The following TLCD4 variants were observed in gnomAD, a reference collection of about 807,000 sequenced individuals.
TLCD4 encodes TLC domain-containing protein 4.
Under a neutral mutation model 24.2 loss-of-function variants are expected in TLCD4, and 7 were observed. The observed-to-expected ratio is 0.29, with a 90% CI of 0.16 to 0.54. The LOEUF (loss-of-function observed/expected upper bound fraction) is 0.54, where lower values mean the gene tolerates loss of function less well. TLCD4 is among the 20% of genes least tolerant of loss of function. The pLI, the probability that TLCD4 is intolerant of heterozygous loss-of-function variation, is 0.95. For missense variants in TLCD4, 259 were observed against 313.9 expected (o/e 0.82, Z 1.32); for synonymous variants, 103 against 106.4 (o/e 0.97, Z 0.20).
chr1:95,178,563 CTTTTTTTTTT>C (rs57190787), intron 6 of TLCD4, among the ~76,000 whole-genome samples: 3 of 82,360 alleles, frequency 3.6e-5, no homozygotes, highest in East Asian at 7.8e-4. Context: ...ATGCCCAGCC[CTTTTTTTTTT>C]TTTTTTTTTT....
At chr1:95,169,983 T>C (rs966449868) in intron 5 of TLCD4, among the ~76,000 whole-genome samples, 1 of 152,220 alleles carries the variant, frequency 6.6e-6, no homozygotes, top group Non-Finnish European at 1.5e-5. Flanking sequence ...TTTGATCTTA[T>C]CTTTGGAAAA....
upstream of TLCD4, among the ~76,000 whole-genome samples, chr1:95,116,504 ATTAT>A (rs1317327204): frequency 6.6e-5 from 10 of 152,178 alleles, no homozygotes; most frequent in Non-Finnish European, 1.3e-4. Context: ...GTGTTTACAA[ATTAT>A]TTATTTAGAA....
intron 1 of TLCD4, 46 bp downstream of exon 1, chr1:95,117,663 T>TCGCCCCGCGGCTCCCCC (rs1280563152): frequency 1.3e-5 from 2 of 151,670 alleles, no homozygotes. Flanking sequence ...CGGGCTTGCC[T>TCGCCCCGCGGCTCCCCC]CGCCCCGCGG....
the TLCD4 span, among the ~76,000 whole-genome samples, chr1:95,110,830 T>C: frequency 7.1e-6 from 1 of 140,594 alleles, no homozygotes; most frequent in South Asian, 2.2e-4. Flanking sequence ...CACTCTAGCC[T>C]GGGCAACACG....
rs1677456227 is a variant in TLCD4, at chr1:95,150,204, TC to T, written c.246-3del. ...TTTAAAAAGGAACCTTTTTTTTTTT[TC>T]AGGGGTGGTCCATCACTTGCAAACG... On this transcript the variant is annotated splice_polypyrimidine_tract_variant and splice_region_variant and intron_variant, in intron 3 of 6. Transcript: ENST00000370203. 2 of 1,606,740 alleles carry T rather than the reference TC, an allele frequency of 1.2e-6. No individual in the cohort carries two copies. The highest frequency in any genetic ancestry group is 1.7e-5 in the Admixed American group (1 of 59,076).
In TLCD4 at chr1:95,183,250, AGAAAT is replaced by A. The variant is rs1557697918; in HGVS notation, c.474-8289_474-8285del. On this transcript the variant is annotated intron_variant, in intron 6 of 6. Coordinates refer to ENST00000370203, the MANE Select transcript of TLCD4 (RefSeq NM_152487.3). Reference sequence around the variant, plus strand: ...AGAGATGACAAAATAGAGATTTTGAAGAAATGAAATGAAATTGGCAATGAACGGAT... The same window carrying A: ...AGAGATGACAAAATAGAGATTTTGAAGAAATGAAATTGGCAATGAACGGAT... Among the ~76,000 whole-genome samples the A allele has an allele frequency of 5.9e-5, 9 of 152,350 alleles. No homozygotes were observed. The South Asian group carries it at 1.2e-3, about 21-fold the overall frequency.
intron 6 of TLCD4, among the ~76,000 whole-genome samples, chr1:95,189,942 T>G (rs1351783430): frequency 6.6e-6 from 1 of 152,210 alleles, no homozygotes; most frequent in Non-Finnish European, 1.5e-5. Context: ...TAAACTGTCT[T>G]CTAAAGTGGT....
chr1:95,186,617 C>T (rs1240588388), intron 6 of TLCD4, among the ~76,000 whole-genome samples: 1 of 152,080 alleles, frequency 6.6e-6, no homozygotes, highest in African/African-American at 2.4e-5. Context: ...TGAGTAATTC[C>T]AAGGCTGCCA....
intron 1 of TLCD4, among the ~76,000 whole-genome samples, chr1:95,119,346 C>T (rs1231340468): frequency 6.6e-6 from 1 of 152,100 alleles, no homozygotes. Flanking sequence ...CATCTGATTG[C>T]CAAGGGAAGT....
At chr1:95,130,888 T>C (rs1233507613) in intron 1 of TLCD4, among the ~76,000 whole-genome samples, 2 of 152,196 alleles carry the variant, frequency 1.3e-5, no homozygotes, top group Admixed American at 1.3e-4. Flanking sequence ...TGGACATATT[T>C]GGAGGTGAGA....
chr1:95,124,522 A>G (rs1166830072), intron 1 of TLCD4, among the ~76,000 whole-genome samples: 2 of 152,150 alleles, frequency 1.3e-5, no homozygotes, highest in African/African-American at 4.8e-5. Context: ...ATGCCATCTC[A>G]TATCATGTTG....
intron 6 of TLCD4, among the ~76,000 whole-genome samples, chr1:95,178,184 C>A (rs1276050343): frequency 6.6e-6 from 1 of 151,620 alleles, no homozygotes; most frequent in Non-Finnish European, 1.5e-5. Flanking sequence ...TGAGCTCAGG[C>A]AATCTGCCCA....
At chr1:95,133,497 T>TAG (rs1228388089) in intron 1 of TLCD4, among the ~76,000 whole-genome samples, 6 of 152,090 alleles carry the variant, frequency 3.9e-5, no homozygotes, top group Non-Finnish European at 7.4e-5. Flanking sequence ...GTGCACAAGT[T>TAG]AGAGAGGTTG....
chr1:95,144,425 A>G (rs1275872395), intron 2 of TLCD4, among the ~76,000 whole-genome samples: 1 of 152,208 alleles, frequency 6.6e-6, no homozygotes, highest in Non-Finnish European at 1.5e-5. Flanking sequence ...AGCTTATACC[A>G]TACAGCATTG....
At chr1:95,183,424 CAG>C (rs34348319) in intron 6 of TLCD4, among the ~76,000 whole-genome samples, 54,552 of 151,892 alleles carry the variant, frequency 0.36, 11,318 homozygotes, top group Middle Eastern at 0.54. Context: ...AGAGGACAAA[CAG>C]AGCATCTGAG....
chr1:95,118,035 G>A (rs1676477588), intron 1 of TLCD4: 1 of 152,182 alleles, frequency 6.6e-6, no homozygotes, highest in Non-Finnish European at 1.5e-5. Context: ...CAAACCTTTG[G>A]GCATCCAGGG....
chr1:95,146,298 A>C (rs1016201711), intron 2 of TLCD4, among the ~76,000 whole-genome samples: 1 of 152,114 alleles, frequency 6.6e-6, no homozygotes, highest in Non-Finnish European at 1.5e-5. Flanking sequence ...ACATCTTATA[A>C]TGTAAAAAAA....
At chr1:95,161,548 TTGAA>T (rs1207865827) in intron 5 of TLCD4, among the ~76,000 whole-genome samples, 1 of 152,226 alleles carries the variant, frequency 6.6e-6, no homozygotes, top group Non-Finnish European at 1.5e-5. Flanking sequence ...CTGCTAGCTT[TTGAA>T]GTGTTTGCTC....
At chr1:95,100,892 C>A in the TLCD4 span, among the ~76,000 whole-genome samples, 1 of 148,858 alleles carries the variant, frequency 6.7e-6, no homozygotes, top group South Asian at 2.2e-4. Context: ...CCCATTTATG[C>A]AACTCAAAGG....
Sources: allele counts gnomAD v4.1 joint callset (sites outside exome capture counted in the v4.1 genomes callset), GRCh38; gene constraint gnomAD v4.1.1; transcripts MANE v1.5; gene names NCBI Gene and HGNC (gene_info 2026-07-23, HGNC 2026-07-21).